AKAP19: variants seen among roughly 807,000 people sequenced by gnomAD.
The protein encoded by AKAP19 is A-kinase anchoring protein 19.
the AKAP19 span, among the ~76,000 whole-genome samples, chr2:189,886,602 T>C: frequency 6.6e-6 from 1 of 152,128 alleles, no homozygotes; most frequent in African/African-American, 2.4e-5. Flanking sequence ...AGAATAGAAA[T>C]GCAGGAGGGA....
the AKAP19 span, among the ~76,000 whole-genome samples, chr2:190,048,093 G>A: frequency 9.2e-5 from 14 of 152,180 alleles, no homozygotes; most frequent in South Asian, 2.1e-4. Context: ...TACTGTTTTC[G>A]CATTTATCTG....
At chr2:190,022,074 A>G in the AKAP19 span, among the ~76,000 whole-genome samples, 1 of 150,052 alleles carries the variant, frequency 6.7e-6, no homozygotes, top group Non-Finnish European at 1.5e-5. Flanking sequence ...TTCTCATGAC[A>G]AGCCATTGAT....
At chr2:190,118,992 C>T in the AKAP19 span, among the ~76,000 whole-genome samples, 1 of 152,222 alleles carries the variant, frequency 6.6e-6, no homozygotes, top group Non-Finnish European at 1.5e-5. Context: ...CCGAAATCTC[C>T]TTAAGCTGAT....
At chr2:189,916,535 T>C in the AKAP19 span, among the ~76,000 whole-genome samples, 1 of 152,088 alleles carries the variant, frequency 6.6e-6, no homozygotes, top group Non-Finnish European at 1.5e-5. Flanking sequence ...TTGGCCAGGC[T>C]TGTCTGGAAC....
chr2:190,007,880 T>G, the AKAP19 span, among the ~76,000 whole-genome samples: 4 of 152,186 alleles, frequency 2.6e-5, no homozygotes, highest in Non-Finnish European at 1.5e-5. Flanking sequence ...AAGAATCGCT[T>G]GAACCCAGGA....
chr2:189,975,169 A>C, the AKAP19 span, among the ~76,000 whole-genome samples: 295 of 152,244 alleles, frequency 1.9e-3, 2 homozygotes, highest in African/African-American at 6.5e-3. Flanking sequence ...TTTGTAGGGC[A>C]GGCCTGGTGG....
At chr2:189,908,912 C>T in the AKAP19 span, among the ~76,000 whole-genome samples, 1 of 152,092 alleles carries the variant, frequency 6.6e-6, no homozygotes, top group Non-Finnish European at 1.5e-5. Context: ...TTTCCTTATT[C>T]ATTTTCTGTC....
chr2:190,084,244 C>G, the AKAP19 span, among the ~76,000 whole-genome samples: 3 of 152,114 alleles, frequency 2.0e-5, no homozygotes, highest in African/African-American at 4.8e-5. Context: ...AGGCGCCCAC[C>G]ACCATGCCTG....
the AKAP19 span, among the ~76,000 whole-genome samples, chr2:189,951,033 T>G: frequency 6.6e-6 from 1 of 152,098 alleles, no homozygotes; most frequent in Non-Finnish European, 1.5e-5. Flanking sequence ...TTCTGCACTT[T>G]CCTGGAGATA....
the AKAP19 span, among the ~76,000 whole-genome samples, chr2:190,063,658 A>G: frequency 6.6e-6 from 1 of 152,166 alleles, no homozygotes; most frequent in Non-Finnish European, 1.5e-5. Flanking sequence ...TAAAAGAGAA[A>G]GAGCATCATG....
At chr2:189,961,804 C>T in the AKAP19 span, among the ~76,000 whole-genome samples, 3 of 151,248 alleles carry the variant, frequency 2.0e-5, no homozygotes, top group African/African-American at 4.9e-5. Context: ...CCCAGCTACT[C>T]GGGAGGCTGA....
the AKAP19 span, among the ~76,000 whole-genome samples, chr2:190,149,396 C>A: frequency 6.6e-6 from 1 of 151,732 alleles, no homozygotes; most frequent in South Asian, 2.1e-4. Flanking sequence ...TTCTCTAGTT[C>A]GTGGAGGTGT....
At chr2:189,932,520 A>G in the AKAP19 span, among the ~76,000 whole-genome samples, 2 of 151,390 alleles carry the variant, frequency 1.3e-5, no homozygotes, top group African/African-American at 4.9e-5. Flanking sequence ...TTGGAATTCT[A>G]TTTTGGGGAA....
At chr2:190,174,822 A>T in the AKAP19 span, among the ~76,000 whole-genome samples, 1 of 152,242 alleles carries the variant, frequency 6.6e-6, no homozygotes, top group Non-Finnish European at 1.5e-5. Context: ...TATCAAAATA[A>T]ATGCAGGTGA....
chr2:190,101,071 A>G, the AKAP19 span, among the ~76,000 whole-genome samples: 14 of 152,318 alleles, frequency 9.2e-5, no homozygotes, highest in South Asian at 2.7e-3. Flanking sequence ...AATTTCCCAG[A>G]CCCAGTGTTG....
chr2:190,180,916 C>G, the AKAP19 span: 4 of 985,208 alleles, frequency 4.1e-6, no homozygotes, highest in African/African-American at 1.7e-5. This position sits in a 1 kb window ranked among gnomAD's most constrained non-coding sequence, Gnocchi z 6.8. Context: ...CGCCGCTGCC[C>G]TGGCAGCTGG....
chr2:189,982,664 CT>C, the AKAP19 span, among the ~76,000 whole-genome samples: 14 of 143,882 alleles, frequency 9.7e-5, no homozygotes, highest in East Asian at 2.0e-4. Flanking sequence ...GGAACCTTAA[CT>C]TTTTTTTTTT....
the AKAP19 span, among the ~76,000 whole-genome samples, chr2:190,028,515 A>G: frequency 6.6e-6 from 1 of 152,170 alleles, no homozygotes; most frequent in Non-Finnish European, 1.5e-5. Context: ...TATATCTCAG[A>G]CAAAATGATA....
At chr2:189,967,893 G>A in the AKAP19 span, among the ~76,000 whole-genome samples, 1 of 150,388 alleles carries the variant, frequency 6.6e-6, no homozygotes, top group African/African-American at 2.4e-5. Context: ...TCATAATAAA[G>A]TTAAATGGTG....
Sources: allele counts gnomAD v4.1 joint callset (sites outside exome capture counted in the v4.1 genomes callset), GRCh38; gene constraint gnomAD v4.1.1; non-coding constraint Gnocchi (gnomAD v3.1); transcripts MANE v1.5; gene names NCBI Gene and HGNC (gene_info 2026-07-23, HGNC 2026-07-21).